The following COLEC12 variants were observed in gnomAD, a reference collection of about 807,000 sequenced individuals.
COLEC12 encodes the protein collectin-12.
A neutral mutation model predicts 71.1 loss-of-function variants in COLEC12; 33 were observed. That is an observed-to-expected ratio of 0.46 (90% confidence interval 0.35 to 0.62). The LOEUF (loss-of-function observed/expected upper bound fraction) is 0.62, where lower values mean the gene tolerates loss of function less well. COLEC12 is among the 20% of genes least tolerant of loss of function. The pLI, the probability that COLEC12 is intolerant of heterozygous loss-of-function variation, is 0.00. For missense variants in COLEC12, 765 were observed against 916.1 expected (o/e 0.84, Z 2.13); for synonymous variants, 350 against 353.0 (o/e 0.99, Z 0.10).
intron 2 of COLEC12, among the ~76,000 whole-genome samples, chr18:415,855 T>C (rs1332474178): frequency 6.6e-6 from 1 of 152,240 alleles, no homozygotes; most frequent in Non-Finnish European, 1.5e-5. Context: ...CTGAGGTTTA[T>C]TCAGTTGCCT....
At chr18:424,689 G>A (rs888378009) in intron 2 of COLEC12, among the ~76,000 whole-genome samples, 8 of 152,206 alleles carry the variant, frequency 5.3e-5, no homozygotes, top group Admixed American at 1.3e-4. Flanking sequence ...TGTCATCTCA[G>A]GCACTGAGGT....
intron 5 of COLEC12, among the ~76,000 whole-genome samples, chr18:343,164 C>T (rs2143462484): frequency 6.6e-6 from 1 of 152,316 alleles, no homozygotes; most frequent in Non-Finnish European, 1.5e-5. Flanking sequence ...CCCTACAACA[C>T]ACAAGTGCCT....
chr18:481,726 G>C (rs1917420971), intron 1 of COLEC12, among the ~76,000 whole-genome samples: 1 of 151,886 alleles, frequency 6.6e-6, no homozygotes, highest in Non-Finnish European at 1.5e-5. Flanking sequence ...GAGAGGGAGA[G>C]ATGTTTTATC....
At chr18:442,160 C>T (rs1916556066) in intron 2 of COLEC12, among the ~76,000 whole-genome samples, 1 of 150,314 alleles carries the variant, frequency 6.7e-6, no homozygotes, top group Non-Finnish European at 1.5e-5. Flanking sequence ...GAGTAAGAGT[C>T]AGAAAATGAC....
At chr18:428,195 T>C (rs9960466) in intron 2 of COLEC12, among the ~76,000 whole-genome samples, 27,841 of 150,980 alleles carry the variant, frequency 0.18, 2,803 homozygotes, top group Middle Eastern at 0.24. Flanking sequence ...ACCCAAGAGG[T>C]GGAGGTTGCG....
intron 2 of COLEC12, among the ~76,000 whole-genome samples, chr18:415,928 A>G (rs1407227797): frequency 3.3e-5 from 5 of 152,246 alleles, no homozygotes; most frequent in African/African-American, 9.6e-5. Flanking sequence ...CAACTACTCA[A>G]TACTTTGGTG....
intron 8 of COLEC12, among the ~76,000 whole-genome samples, chr18:323,137 A>G (rs1913753975): frequency 6.6e-6 from 1 of 152,188 alleles, no homozygotes; most frequent in South Asian, 2.1e-4. Context: ...AAGCAGGAGA[A>G]TTGCTTGAAT....
In COLEC12 at chr18:391,005, G is replaced by A. The variant is rs1401584085; in HGVS notation, c.59-33483C>T. On this transcript the variant is annotated intron_variant, in intron 2 of 9. Transcript: ENST00000400256. ...CTGTGGGCAGCTGTGTGCCCATGGG[G>A]AACTGGTCCGCTCTTTTTTTCTATT... 5.9e-5 allele frequency among the ~76,000 whole-genome samples: 9 copies of A among 152,160 alleles called. No homozygotes were observed. In the East Asian group the frequency reaches 1.7e-3, roughly 29 times the overall value.
intron 1 of COLEC12, among the ~76,000 whole-genome samples, chr18:499,127 A>G (rs769402365): frequency 4.6e-5 from 7 of 152,222 alleles, no homozygotes; most frequent in Non-Finnish European, 7.3e-5. Context: ...AGTCTCCTCA[A>G]TCAGAGCCAG....
intron 2 of COLEC12, among the ~76,000 whole-genome samples, chr18:402,441 C>T (rs1915706036): frequency 1.3e-5 from 2 of 152,124 alleles, no homozygotes; most frequent in Admixed American, 1.3e-4. Context: ...TGCCTCAGCA[C>T]CACGCCCTAG....
At chr18:388,236 T>G (rs984931856) in intron 2 of COLEC12, among the ~76,000 whole-genome samples, 1 of 152,226 alleles carries the variant, frequency 6.6e-6, no homozygotes, top group South Asian at 2.1e-4. Flanking sequence ...AGGCTGTTAG[T>G]AGCCCTCAAC....
rs779568214 is a variant in COLEC12 at position 346,601 on chromosome 18, T to A, written c.1021A>T (p.Thr341Ser). 1 of 1,614,224 alleles carries A rather than the reference T, an allele frequency of 6.2e-7. No homozygotes were observed. The highest frequency in any genetic ancestry group is 1.3e-5 in the African/African-American group (1 of 75,064). The change falls in exon 5 of 10, where the codon ACG becomes TCG. Residue 341 changes from threonine (T) to serine (S), a missense_variant. Thr to Ser is a moderately conservative substitution (Grantham distance 58). Coordinates refer to ENST00000400256, the MANE Select transcript of COLEC12 (RefSeq NM_130386.3). This position sits in a 1 kb window ranked among gnomAD's most constrained non-coding sequence, Gnocchi z 4.0. ...QLEERFQLFETDIVNIISNIS... is the reference protein window; with the variant it reads ...QLEERFQLFESDIVNIISNIS... ...TTGCTAATGATGTTCACAATATCCG[T>A]CTCAAAGAGCTGGAAGCGTTCCTCC...
intron 5 of COLEC12, among the ~76,000 whole-genome samples, chr18:345,095 G>A (rs1335753177): frequency 6.6e-6 from 1 of 152,190 alleles, no homozygotes. Context: ...CCCCTTGAAT[G>A]TTTGCTTACA....
intron 2 of COLEC12, among the ~76,000 whole-genome samples, chr18:376,223 A>G (rs918403387): frequency 1.3e-5 from 2 of 152,198 alleles, no homozygotes; most frequent in African/African-American, 4.8e-5. Flanking sequence ...ATGGCTCCAG[A>G]ATCCAGGGAC....
In COLEC12 at chr18:408,089, T is replaced by A. The variant is rs547955335; in HGVS notation, c.59-50567A>T. Among the ~76,000 whole-genome samples, 20 of 152,326 alleles carry A rather than the reference T, an allele frequency of 1.3e-4. No individual in the cohort carries two copies. The highest frequency in any genetic ancestry group is 4.6e-4 in the African/African-American group (19 of 41,564). ...ACCTAGGAAATGAATTTTTAATAAC[T>A]CTAATTCAGAATGCAAGAGGTTAAG... is the stretch of plus-strand genomic sequence containing the variant. On this transcript the variant is annotated intron_variant, in intron 2 of 9. Coordinates refer to ENST00000400256, the MANE Select transcript of COLEC12 (RefSeq NM_130386.3). The surrounding 1 kb of genome is among the most constrained non-coding windows in gnomAD (Gnocchi z 4.3).
In COLEC12 at chr18:480,554, C is replaced by T. The variant is rs1917394137; in HGVS notation, c.58+153G>A. Among the ~76,000 whole-genome samples, 1 of 152,118 alleles carries T rather than the reference C, an allele frequency of 6.6e-6. No individual in the cohort carries two copies. The highest frequency in any genetic ancestry group is 6.6e-5 in the Admixed American group (1 of 15,264). On this transcript the variant is annotated intron_variant, in intron 2 of 9. Coordinates refer to ENST00000400256, the MANE Select transcript of COLEC12 (RefSeq NM_130386.3). This position sits in a 1 kb window ranked among gnomAD's most constrained non-coding sequence, Gnocchi z 4.1. ...TGTGAGAAACCCTCCCCCTGGGACA[C>T]AGACACTCACTTTCCAACCAAAATT...
At chr18:331,852 AT>A in intron 7 of COLEC12, 75 bp from the exon 8 acceptor site, 3 of 891,452 alleles carry the variant, frequency 3.4e-6, no homozygotes, top group Non-Finnish European at 5.5e-6. Flanking sequence ...TTTATTTAAC[AT>A]TTAGAAAAAA....
In COLEC12 at chr18:319,355, T is replaced by TATATATATATATATAG; in HGVS notation, c.*689_*690insCTATATATATATATAT. On this transcript the variant is annotated 3_prime_UTR_variant, in exon 10 of 10. Transcript: ENST00000400256. ...AAAAAAAAAAAAATATATATATATA[T>TATATATATATATATAG]ATATATATACACATGTATATTTAAT... The TATATATATATATATAG allele has an allele frequency of 7.3e-6, 1 of 137,022 alleles. No homozygotes were observed. Among genetic ancestry groups the TATATATATATATATAG allele is most frequent in the Non-Finnish European group, 1.6e-5 (1 of 63,014 alleles). The allele number at this position is 137,022 out of a possible 1,614,324, so 8.5% of individuals were successfully genotyped here. A position where few individuals can be genotyped will look rare whatever the true frequency, so the allele number is the denominator to read the frequency against.
chr18:435,209 G>T (rs1916380414), intron 2 of COLEC12, among the ~76,000 whole-genome samples: 1 of 152,222 alleles, frequency 6.6e-6, no homozygotes, highest in African/African-American at 2.4e-5. Flanking sequence ...ATAAGAAGTT[G>T]TATTAGTCCA....
Sources: allele counts gnomAD v4.1 joint callset (sites outside exome capture counted in the v4.1 genomes callset), GRCh38; gene constraint gnomAD v4.1.1; non-coding constraint Gnocchi (gnomAD v3.1); transcripts MANE v1.5; gene names NCBI Gene and HGNC (gene_info 2026-07-23, HGNC 2026-07-21).